Variants in ABCD4 observed in about 807,000 individuals in gnomAD.
The protein encoded by ABCD4 is lysosomal cobalamin transporter ABCD4.
A neutral mutation model predicts 86.3 loss-of-function variants in ABCD4; 53 were observed. That is an observed-to-expected ratio of 0.61 (90% CI 0.49 to 0.77). The LOEUF (loss-of-function observed/expected upper bound fraction) is 0.77. ABCD4 is among the 30% of genes least tolerant of loss of function. The pLI is 0.00. For missense variants in ABCD4, 757 were observed against 764.5 expected, an observed-to-expected ratio of 0.99 and a Z score of 0.12; for synonymous variants, 328 against 313.6, an observed-to-expected ratio of 1.05 and a Z score of -0.49.
At position 74,285,779 on chromosome 14, in the gene ABCD4, T is replaced by G. The variant is rs990322533; in HGVS notation, c.*682A>C. On this transcript the variant is annotated 3_prime_UTR_variant, in exon 19 of 19. Transcript: ENST00000356924. Reference sequence around the variant, plus strand: ...GGATTTACTTTCATTTGGGTTAAGGTAGGGCAGACCAAAGGCCCCTGGAAG... The same window carrying G: ...GGATTTACTTTCATTTGGGTTAAGGGAGGGCAGACCAAAGGCCCCTGGAAG... The G allele has an allele frequency of 5.3e-5, 8 of 152,200 alleles. No individual in the cohort carries two copies. The highest frequency in any genetic ancestry group is 1.2e-4 in the Non-Finnish European group (8 of 68,056). 9.4% of individuals were successfully genotyped at this position (152,200 alleles called of 1,614,324 possible). A position where few individuals can be genotyped will look rare whatever the true frequency, so the allele number is the denominator to read the frequency against.
At chr14:74,298,631 T>TTTA (rs2083501366) in intron 3 of ABCD4, among the ~76,000 whole-genome samples, 1 of 152,184 alleles carries the variant, frequency 6.6e-6, no homozygotes, top group African/African-American at 2.4e-5. Context: ...ACTGTCTTAT[T>TTTA]TTGAGAGTAG....
chr14:74,288,004 A>C lies in ABCD4; in HGVS notation c.1560-118T>G, dbSNP rs1328656929. On this transcript the variant is annotated intron_variant, in intron 16 of 18. Coordinates refer to ENST00000356924, the MANE Select transcript of ABCD4 (RefSeq NM_005050.4). ...ACAGAGGTGAGCCCCAGGAGACAGA[A>C]GCCCCTTCCCTTTCGACCATAGGCC... is the stretch of plus-strand genomic sequence containing the variant. The C allele has an allele frequency of 4.4e-6, 5 of 1,124,182 alleles. No homozygotes were observed. The African/African-American group carries it at 7.8e-5, about 18-fold the overall frequency. 69.6% of individuals were successfully genotyped at this position (1,124,182 alleles called of 1,614,324 possible). A position where few individuals can be genotyped will look rare whatever the true frequency, so the allele number is the denominator to read the frequency against.
chr14:74,288,557 A>T, intron 15 of ABCD4, 159 bp downstream of exon 15: 1 of 829,608 alleles, frequency 1.2e-6, no homozygotes, highest in Non-Finnish European at 1.9e-6. Context: ...TCGTGCCTAA[A>T]CCTGGCCAAC....
Position 74,286,425 on chromosome 14 carries a change from C to A in ABCD4, c.*36G>T. 1.2e-6 allele frequency: 2 copies of A among 1,611,670 alleles called. No homozygotes were observed. Among genetic ancestry groups the A allele is most frequent in the Non-Finnish European group, 1.7e-6 (2 of 1,177,938 alleles). On this transcript the variant is annotated 3_prime_UTR_variant, in exon 19 of 19. Transcript: ENST00000356924. The stretch of plus-strand genomic sequence containing the variant: ...TGGTCTCTCCTGAGGGCCGCCGACC[C>A]GCCACAGTGTGGCTCTCCTTCCAAA...
At position 74,296,458 on chromosome 14, in the gene ABCD4, A is replaced by C; in HGVS notation, c.426-9T>G. 6.2e-7 allele frequency: 1 copy of C among 1,613,772 alleles called. No individual in the cohort carries two copies. The highest frequency in any genetic ancestry group is 8.5e-7 in the Non-Finnish European group (1 of 1,179,926). On this transcript the variant is annotated splice_polypyrimidine_tract_variant and intron_variant, in intron 4 of 18. Transcript: ENST00000356924. ...GGCTGATGCGCTGGTCCCTGGAGCC[A>C]ATGACACAGAGTAGCTGGACCCAGG... is the stretch of plus-strand genomic sequence containing the variant.
In ABCD4 at chr14:74,286,089, T is replaced by TA. The variant is rs529683757; in HGVS notation, c.*371_*372insT. The TA allele has an allele frequency of 1.3e-3, 237 of 177,004 alleles. 2 individuals are homozygous for TA. The highest frequency in any genetic ancestry group is 5.1e-3 in the African/African-American group (215 of 42,408). 11.0% of individuals were successfully genotyped at this position (177,004 alleles called of 1,614,324 possible). On this transcript the variant is annotated 3_prime_UTR_variant, in exon 19 of 19. Transcript: ENST00000356924. Reference sequence around the variant, plus strand: ...ATCTATTGCTGCACAATTTAACTGATTAAAAGATTTCCAGATCTCTTGACT... The same window carrying TA: ...ATCTATTGCTGCACAATTTAACTGATATAAAAGATTTCCAGATCTCTTGACT...
intron 15 of ABCD4, 147 bp downstream of exon 15, chr14:74,288,569 G>T: frequency 1.1e-6 from 1 of 918,548 alleles, no homozygotes; most frequent in Non-Finnish European, 1.7e-6. Context: ...CTGGCCAACA[G>T]CACACACTGT....
Position 74,292,300 on chromosome 14 carries a change from A to G in ABCD4, c.1105T>C (p.Trp369Arg), listed in dbSNP as rs2081720803. The G allele has an allele frequency of 6.2e-7, 1 of 1,613,756 alleles. No homozygotes were observed. The highest frequency in any genetic ancestry group is 8.5e-7 in the Non-Finnish European group (1 of 1,180,014). Residue 369 changes from tryptophan (W) to arginine (R), a missense_variant, in exon 11 of 19, where the codon TGG becomes CGG. By Grantham distance (101) the Trp-to-Arg change is moderately radical. Coordinates refer to ENST00000356924, the MANE Select transcript of ABCD4 (RefSeq NM_005050.4). ...CCCGCTACTCACGTGTCCAAGCCCC[A>G]CTCGCTCTCGCCCAGGATCTCGCAG... ...QDCEILGESE[W>R]GLDTPPGWPA...
Position 74,296,461 on chromosome 14 carries a change from G to A in ABCD4, c.426-12C>T. 6.2e-7 allele frequency: 1 copy of A among 1,613,252 alleles called. No homozygotes were observed. The highest frequency in any genetic ancestry group is 1.1e-5 in the South Asian group (1 of 91,048). ...TGATGCGCTGGTCCCTGGAGCCAATGACACAGAGTAGCTGGACCCAGGGAG... is the reference window on the plus strand; with the variant it reads ...TGATGCGCTGGTCCCTGGAGCCAATAACACAGAGTAGCTGGACCCAGGGAG... On this transcript the variant is annotated splice_polypyrimidine_tract_variant and intron_variant, in intron 4 of 18. Transcript: ENST00000356924.
intron 16 of ABCD4, 53 bp downstream of exon 16, chr14:74,288,154 C>A: frequency 6.3e-7 from 1 of 1,588,064 alleles, no homozygotes; most frequent in Non-Finnish European, 8.6e-7. Context: ...GACCCTGAAA[C>A]CCACTGTCTT....
Position 74,286,216 on chromosome 14 carries a change from T to G in ABCD4, c.*245A>C. 1 of 473,726 alleles carries G rather than the reference T, an allele frequency of 2.1e-6. No homozygotes were observed. The allele number at this position is 473,726 out of a possible 1,614,324, so 29.3% of individuals were successfully genotyped here. ...TTGTAGGTAATCAGCACTTCAAGCA[T>G]ATGGAGGCTCTGGCTGAGGCAGCAG... On this transcript the variant is annotated 3_prime_UTR_variant, in exon 19 of 19. Coordinates refer to ENST00000356924, the MANE Select transcript of ABCD4 (RefSeq NM_005050.4).
At position 74,302,891 on chromosome 14, in the gene ABCD4, G is replaced by A. The variant is rs769411397; in HGVS notation, c.22C>T (p.Pro8Ser). ...CCTGCTTACCTGGCGCCAGCTCCGG[G>A]CGCGGGCCCCGCGACCGCCATGACC... Reference protein sequence around the residue: MAVAGPAPGAGARPRLDL... With the variant: MAVAGPASGAGARPRLDL... The change falls in exon 1 of 19, where the codon CCC becomes TCC. Residue 8 changes from proline to serine, a missense_variant. By Grantham distance (74) the Pro-to-Ser change is moderately conservative. Transcript: ENST00000356924. 1 of 1,607,432 alleles carries A rather than the reference G, an allele frequency of 6.2e-7. No individual in the cohort carries two copies. Among genetic ancestry groups the A allele is most frequent in the Non-Finnish European group, 8.5e-7 (1 of 1,177,240 alleles).
chr14:74,286,260 A>G lies in ABCD4; in HGVS notation c.*201T>C. On this transcript the variant is annotated 3_prime_UTR_variant, in exon 19 of 19. Coordinates refer to ENST00000356924, the MANE Select transcript of ABCD4 (RefSeq NM_005050.4). ...GCAGCAGAGTCCTGGGAGACTGAACACTGGGAGATTCAGTGTCCCCCACAG... is the reference window on the plus strand; with the variant it reads ...GCAGCAGAGTCCTGGGAGACTGAACGCTGGGAGATTCAGTGTCCCCCACAG... 1.7e-6 allele frequency: 1 copy of G among 585,330 alleles called. No homozygotes were observed. The highest frequency in any genetic ancestry group is 2.9e-5 in the East Asian group (1 of 34,680). 36.3% of individuals were successfully genotyped at this position (585,330 alleles called of 1,614,324 possible). A position where few individuals can be genotyped will look rare whatever the true frequency, so the allele number is the denominator to read the frequency against.
chr14:74,299,316 A>G (rs774672926), intron 3 of ABCD4: 72 of 474,262 alleles, frequency 1.5e-4, no homozygotes, highest in Non-Finnish European at 2.1e-4. Context: ...GAATTAAACC[A>G]GAACCTGTGG....
intron 2 of ABCD4, 73 bp downstream of exon 2, chr14:74,300,077 A>G: frequency 1.2e-6 from 1 of 812,846 alleles, no homozygotes; most frequent in East Asian, 2.8e-5. Flanking sequence ...AAAAAAAAAA[A>G]AAAAAAAAAA....
chr14:74,302,756 A>T, intron 1 of ABCD4, 119 bp downstream of exon 1: 1 of 1,184,260 alleles, frequency 8.4e-7, no homozygotes, highest in Non-Finnish European at 1.1e-6. Context: ...TTCTCTCAGA[A>T]GTCACGGGGG....
intron 13 of ABCD4, 55 bp downstream of exon 13, chr14:74,289,972 G>T (rs2081011584): frequency 6.2e-7 from 1 of 1,612,168 alleles, no homozygotes; most frequent in African/African-American, 1.3e-5. Context: ...AGAGGTCCCA[G>T]CTGTGGGTGG....
At chr14:74,293,063 T>C in intron 8 of ABCD4, 91 bp downstream of exon 8, 1 of 1,482,254 alleles carries the variant, frequency 6.7e-7, no homozygotes, top group Non-Finnish European at 9.3e-7. Context: ...ATGGCACATT[T>C]ATCCTTGCAG....
chr14:74,296,315 G>C lies in ABCD4; in HGVS notation c.542+18C>G, dbSNP rs1472939862. 6.2e-7 allele frequency: 1 copy of C among 1,609,900 alleles called. No individual in the cohort carries two copies. Among genetic ancestry groups the C allele is most frequent in the Admixed American group, 1.7e-5 (1 of 60,004 alleles). On this transcript the variant is annotated intron_variant, in intron 5 of 18. Transcript: ENST00000356924. ...GCCCTCTGGGGAAACACCAGGCTGG[G>C]GAGGAGGGAGGCTTCACCTTTGGAA...
Sources: gnomAD v4.1 joint callset for allele counts (sites outside exome capture counted in the v4.1 genomes callset) on GRCh38, gnomAD v4.1.1 for gene constraint, MANE v1.5 for transcripts, NCBI Gene and HGNC (gene_info 2026-07-23, HGNC 2026-07-21) for gene names.